Variants in UNC13C observed in about 807,000 individuals in gnomAD.
UNC13C encodes unc-13 homolog C, also known as protein unc-13 homolog C.
In UNC13C, 174 loss-of-function variants were observed where a neutral mutation model predicts 245.4. That is an observed-to-expected ratio of 0.71 (90% CI 0.63 to 0.80). The LOEUF (loss-of-function observed/expected upper bound fraction) is 0.80, where lower values mean the gene tolerates loss of function less well. Ranked by LOEUF, UNC13C falls within the 30% of genes least tolerant of loss-of-function variation. The pLI is 0.00. For missense variants in UNC13C, 2,829 were observed against 2,602.9 expected (o/e 1.09, Z -1.89); for synonymous variants, 992 against 895.1 (o/e 1.11, Z -1.93).
the UNC13C span, among the ~76,000 whole-genome samples, chr15:53,881,382 C>T: frequency 2.0e-5 from 3 of 152,158 alleles, no homozygotes; most frequent in African/African-American, 4.8e-5. Flanking sequence ...AAGTTAAATG[C>T]TTTGTCTTGC....
At chr15:54,338,276 T>C in intron 16 of UNC13C, 85 bp from the exon 17 acceptor site, 5 of 1,390,976 alleles carry the variant, frequency 3.6e-6, no homozygotes, top group Non-Finnish European at 4.8e-6. Context: ...CTGAAAGTAT[T>C]TATTGAATAT....
At chr15:54,315,090 C>T (rs961754924) in intron 13 of UNC13C, among the ~76,000 whole-genome samples, 2 of 151,856 alleles carry the variant, frequency 1.3e-5, no homozygotes, top group South Asian at 2.1e-4. Flanking sequence ...TATACCACTT[C>T]AGAGTCATCT....
chr15:54,245,409 A>T (rs906437810), intron 7 of UNC13C, among the ~76,000 whole-genome samples: 1 of 152,110 alleles, frequency 6.6e-6, no homozygotes, highest in Non-Finnish European at 1.5e-5. Flanking sequence ...ATGTTAATTT[A>T]TATCTGTTAT....
chr15:53,852,347 C>T, the UNC13C span, among the ~76,000 whole-genome samples: 1 of 152,066 alleles, frequency 6.6e-6, no homozygotes, highest in Non-Finnish European at 1.5e-5. Flanking sequence ...ACTCTAGCTA[C>T]TGGAAGCTTG....
chr15:54,359,965 C>A (rs1208372148), intron 17 of UNC13C, among the ~76,000 whole-genome samples: 1 of 151,820 alleles, frequency 6.6e-6, no homozygotes, highest in African/African-American at 2.4e-5. Context: ...GCTATAACTT[C>A]CCTCTTAAAA....
chr15:54,332,154 T>C, intron 15 of UNC13C, 43 bp downstream of exon 15: 2 of 1,360,786 alleles, frequency 1.5e-6, no homozygotes, highest in Non-Finnish European at 2.0e-6. Context: ...TGTTGTTTGG[T>C]CTAGAGAATT....
chr15:54,218,692 G>A (rs1289056491), intron 4 of UNC13C, among the ~76,000 whole-genome samples: 1 of 151,836 alleles, frequency 6.6e-6, no homozygotes, highest in Non-Finnish European at 1.5e-5. Context: ...TAGATTTTGT[G>A]TTATGGAAAA....
chr15:54,331,772 C>A (rs2038443234), intron 14 of UNC13C, among the ~76,000 whole-genome samples: 1 of 152,026 alleles, frequency 6.6e-6, no homozygotes, highest in African/African-American at 2.4e-5. Flanking sequence ...CTACAAAATG[C>A]AAGTCTCTAG....
intron 19 of UNC13C, among the ~76,000 whole-genome samples, chr15:54,442,446 C>T (rs1044665612): frequency 5.3e-5 from 8 of 152,020 alleles, no homozygotes; most frequent in African/African-American, 1.9e-4. Flanking sequence ...TCGTCTTGAA[C>T]TCCTAACCTC....
intron 4 of UNC13C, among the ~76,000 whole-genome samples, chr15:54,228,684 C>T (rs1414087210): frequency 6.6e-6 from 1 of 152,120 alleles, no homozygotes; most frequent in African/African-American, 2.4e-5. Flanking sequence ...AGTCTCAGAA[C>T]TCTGATTCCT....
intron 17 of UNC13C, among the ~76,000 whole-genome samples, chr15:54,343,885 A>G (rs1248425301): frequency 6.7e-6 from 1 of 149,832 alleles, no homozygotes; most frequent in African/African-American, 2.4e-5. Context: ...AAGAGTTAAC[A>G]TTTGGGGTAA....
intron 10 of UNC13C, among the ~76,000 whole-genome samples, chr15:54,291,596 C>T (rs1046153229): frequency 1.3e-5 from 2 of 151,858 alleles, no homozygotes; most frequent in African/African-American, 2.4e-5. Flanking sequence ...ATGGATGAAA[C>T]ATTGCCTGGC....
At chr15:54,222,511 G>C (rs1349713802) in intron 4 of UNC13C, among the ~76,000 whole-genome samples, 2 of 152,096 alleles carry the variant, frequency 1.3e-5, no homozygotes, top group Non-Finnish European at 2.9e-5. Flanking sequence ...CATTTAGGTT[G>C]CTCCTAAGTC....
In UNC13C at chr15:54,623,699, CTAT is replaced by C. The variant is rs1172262302; in HGVS notation, c.6200-90_6200-88del. ...GTGTCTTGTCAGTGGAGTTAGGGCACTATTATTAAGTTTTGGCTTCATAAATCA... is the reference window on the plus strand; with the variant it reads ...GTGTCTTGTCAGTGGAGTTAGGGCACTATTAAGTTTTGGCTTCATAAATCA... On this transcript the variant is annotated intron_variant, in intron 31 of 32. Coordinates refer to ENST00000260323, the MANE Select transcript of UNC13C (RefSeq NM_001080534.3). The C allele has an allele frequency of 1.7e-5, 19 of 1,115,576 alleles. 1 individual carries two copies. The Admixed American group carries it at 2.1e-4, about 12-fold the overall frequency. 69.1% of individuals were successfully genotyped at this position (1,115,576 alleles called of 1,614,324 possible). A position where few individuals can be genotyped will look rare whatever the true frequency, so the allele number is the denominator to read the frequency against.
chr15:54,097,841 C>A (rs1271842359), intron 2 of UNC13C, among the ~76,000 whole-genome samples: 1 of 152,164 alleles, frequency 6.6e-6, no homozygotes, highest in African/African-American at 2.4e-5. Context: ...GTTAGAATAA[C>A]TTGCTTGTAA....
At chr15:54,602,313 C>A (rs1369477271) in intron 30 of UNC13C, among the ~76,000 whole-genome samples, 1 of 152,140 alleles carries the variant, frequency 6.6e-6, no homozygotes, top group Non-Finnish European at 1.5e-5. Context: ...TCTTGGAGAA[C>A]AATAGATGAA....
chr15:54,610,124 G>C (rs1900002096), intron 30 of UNC13C, among the ~76,000 whole-genome samples: 1 of 152,066 alleles, frequency 6.6e-6, no homozygotes, highest in African/African-American at 2.4e-5. Flanking sequence ...TTTTTAAATA[G>C]ATCTTATCTT....
chr15:54,411,030 T>C (rs549826917), intron 18 of UNC13C, among the ~76,000 whole-genome samples: 1 of 152,206 alleles, frequency 6.6e-6, no homozygotes, highest in Non-Finnish European at 1.5e-5. Context: ...TTTTGTTTTT[T>C]TTAAGCTATT....
intron 17 of UNC13C, among the ~76,000 whole-genome samples, chr15:54,371,183 C>A (rs1411370944): frequency 6.6e-6 from 1 of 152,146 alleles, no homozygotes; most frequent in Non-Finnish European, 1.5e-5. Flanking sequence ...CAAACTCCTA[C>A]CCCTGCCCGA....
Sources: gnomAD v4.1 joint callset for allele counts (sites outside exome capture counted in the v4.1 genomes callset) on GRCh38, gnomAD v4.1.1 for gene constraint, MANE v1.5 for transcripts, NCBI Gene and HGNC (gene_info 2026-07-23, HGNC 2026-07-21) for gene names.